SETBP1: variants seen among roughly 807,000 people sequenced by gnomAD.
SETBP1 encodes SET-binding protein.
Under a neutral mutation model 101.0 loss-of-function variants are expected in SETBP1, and 9 were observed. That is an observed-to-expected ratio of 0.09 (90% CI 0.05 to 0.16). SETBP1 has a LOEUF of 0.16. Among genes scored for constraint, SETBP1 ranks in the 10% least tolerant of loss-of-function variants. The pLI is 1.00. For synonymous variants in SETBP1, 818 were observed against 788.5 expected (o/e 1.04, Z -0.63); for missense variants, 1,858 against 2,033.8 (o/e 0.91, Z 1.66).
At chr18:44,732,592 C>T (rs1482725289) in intron 2 of SETBP1, 1 of 152,174 alleles carries the variant, frequency 6.6e-6, no homozygotes, top group African/African-American at 2.4e-5. Context: ...CCTATTTAGC[C>T]CTCAATGCAT....
At chr18:44,797,486 A>G (rs2071504657) in intron 2 of SETBP1, among the ~76,000 whole-genome samples, 2 of 152,216 alleles carry the variant, frequency 1.3e-5, no homozygotes, top group African/African-American at 4.8e-5. Context: ...TCTGTTAACC[A>G]TGATGAAAAG....
At chr18:45,017,306 A>G (rs1599453028) in intron 4 of SETBP1, among the ~76,000 whole-genome samples, 1 of 152,046 alleles carries the variant, frequency 6.6e-6, no homozygotes, top group Non-Finnish European at 1.5e-5. Flanking sequence ...ACAACTCCAG[A>G]CCCCACCCTC....
At chr18:44,811,616 A>G (rs990374571) in intron 2 of SETBP1, among the ~76,000 whole-genome samples, 2 of 152,244 alleles carry the variant, frequency 1.3e-5, no homozygotes, top group Admixed American at 6.5e-5. Flanking sequence ...GAAGATAACA[A>G]CAGAACTAAG....
intron 4 of SETBP1, among the ~76,000 whole-genome samples, chr18:44,973,041 G>A (rs2071903660): frequency 6.6e-6 from 1 of 152,124 alleles, no homozygotes. Flanking sequence ...ATTATTTTGA[G>A]ATCCGTCCCA....
intron 4 of SETBP1, among the ~76,000 whole-genome samples, chr18:44,955,138 T>A (rs2071454380): frequency 6.6e-6 from 1 of 152,236 alleles, no homozygotes; most frequent in South Asian, 2.1e-4. Context: ...GGCCAGGCTG[T>A]GTTGCTGAGT....
At chr18:44,995,571 G>GTGTA (rs1175501781) in intron 4 of SETBP1, among the ~76,000 whole-genome samples, 4 of 149,726 alleles carry the variant, frequency 2.7e-5, no homozygotes, top group Non-Finnish European at 5.9e-5. Flanking sequence ...GTGTGTGTGT[G>GTGTA]TGTATAAAAT....
Position 44,851,376 on chromosome 18 carries a change from G to T in SETBP1, c.487-17854G>T, listed in dbSNP as rs370374334. Among the ~76,000 whole-genome samples the T allele has an allele frequency of 1.9e-4, 29 of 152,270 alleles. No individual in the cohort carries two copies. The East Asian group carries it at 5.2e-3, about 27-fold the overall frequency. On this transcript the variant is annotated intron_variant, in intron 2 of 5. Transcript: ENST00000649279. The stretch of plus-strand genomic sequence containing the variant: ...ACTCAGGCAGAGTTTATAAATAGAG[G>T]ATGAGGTCTGGGCTGAGATCTTGCT...
At chr18:44,912,706 C>G (rs184673227) in intron 3 of SETBP1, among the ~76,000 whole-genome samples, 1 of 152,194 alleles carries the variant, frequency 6.6e-6, no homozygotes, top group African/African-American at 2.4e-5. Flanking sequence ...CGTGAGCCAC[C>G]GTGCCTGGCC....
rs547587831 is a variant in SETBP1 at position 44,881,310 on chromosome 18, T to C, written c.540+12027T>C. ...TCAAACCCATTGCATTTTTGGTTTATTGGCATCTTGTGAACAATGACCTAA... is the reference window on the plus strand; with the variant it reads ...TCAAACCCATTGCATTTTTGGTTTACTGGCATCTTGTGAACAATGACCTAA... On this transcript the variant is annotated intron_variant, in intron 3 of 5. Coordinates refer to ENST00000649279, the MANE Select transcript of SETBP1 (RefSeq NM_015559.3). Among the ~76,000 whole-genome samples, 325 of 152,286 alleles carry C rather than the reference T, an allele frequency of 2.1e-3. 1 individual carries two copies. The highest frequency in any genetic ancestry group is 7.4e-3 in the African/African-American group (306 of 41,572).
intron 3 of SETBP1, among the ~76,000 whole-genome samples, chr18:44,947,882 T>C (rs2071246082): frequency 6.6e-6 from 1 of 152,168 alleles, no homozygotes; most frequent in South Asian, 2.1e-4. Context: ...ACTGATACCC[T>C]AAGGAGCAGA....
At chr18:44,769,684 A>C (rs974480421) in intron 2 of SETBP1, among the ~76,000 whole-genome samples, 3 of 152,244 alleles carry the variant, frequency 2.0e-5, no homozygotes, top group African/African-American at 7.2e-5. Context: ...TCTTATAAGG[A>C]AATCAAATAC....
At position 45,063,485 on chromosome 18, in the gene SETBP1, GCCGCCGCCCCTGCCGCCA is replaced by G; in HGVS notation, c.4587_4604del (p.Leu1530_Pro1535del). 1.8e-5 allele frequency: 18 copies of G among 983,632 alleles called. No individual in the cohort carries two copies. Among genetic ancestry groups the G allele is most frequent in the Non-Finnish European group, 2.0e-5 (16 of 793,944 alleles). 60.9% of individuals were successfully genotyped at this position (983,632 alleles called of 1,614,324 possible). ...AGGCGCCGCCCCTGCCCCCGCCACC[GCCGCCGCCCCTGCCGCCA>G]CCGCCGCCACCACCCCTGCCCCCGC... is the stretch of plus-strand genomic sequence containing the variant. On this transcript the variant is annotated inframe_deletion, in exon 6 of 6. Transcript: ENST00000649279.
intron 2 of SETBP1, among the ~76,000 whole-genome samples, chr18:44,726,957 A>C (rs2069721322): frequency 6.6e-6 from 1 of 152,212 alleles, no homozygotes; most frequent in African/African-American, 2.4e-5. Flanking sequence ...AGTGGTTATC[A>C]GAGGATCCTG....
intron 1 of SETBP1, among the ~76,000 whole-genome samples, chr18:44,700,720 G>T (rs908896773): frequency 6.6e-6 from 1 of 152,082 alleles, no homozygotes; most frequent in African/African-American, 2.4e-5. Flanking sequence ...GCAGCCTGGG[G>T]GTTGTGCTCA....
intron 2 of SETBP1, among the ~76,000 whole-genome samples, chr18:44,702,224 T>C (rs1168555993): frequency 6.6e-5 from 10 of 152,190 alleles, no homozygotes; most frequent in Admixed American, 6.5e-4. Flanking sequence ...ATCGTCTTCA[T>C]GGTGGGTAGG....
At chr18:44,880,551 GAA>G (rs1308257135) in intron 3 of SETBP1, among the ~76,000 whole-genome samples, 2 of 152,202 alleles carry the variant, frequency 1.3e-5, no homozygotes, top group African/African-American at 4.8e-5. Flanking sequence ...TTTATTTAAA[GAA>G]AAGGTTTAGT....
Position 44,950,543 on chromosome 18 carries a change from G to A in SETBP1, c.1203G>A (p.Arg401=). 1.2e-6 allele frequency: 2 copies of A among 1,614,054 alleles called. No homozygotes were observed. The highest frequency in any genetic ancestry group is 1.7e-6 in the Non-Finnish European group (2 of 1,180,032). Residue 401 remains arginine (R), a synonymous_variant, in exon 4 of 6, where the codon CGG becomes CGA. Transcript: ENST00000649279. ...SNPENDSSHV[R]ITIPIKAPSL... is the part of the protein sequence containing the mutation. ...CTGAAAATGACTCAAGTCATGTCCG[G>A]ATTACTATCCCCATCAAGGCACCCT...
intron 2 of SETBP1, among the ~76,000 whole-genome samples, chr18:44,831,061 T>C (rs1441944722): frequency 6.6e-6 from 1 of 152,234 alleles, no homozygotes; most frequent in Non-Finnish European, 1.5e-5. Context: ...TCTTTTCTTT[T>C]CTGTTTTTAT....
chr18:44,793,006 CCTT>C (rs1372417180), intron 2 of SETBP1, among the ~76,000 whole-genome samples: 2 of 152,194 alleles, frequency 1.3e-5, no homozygotes, highest in Non-Finnish European at 2.9e-5. Flanking sequence ...GTTGGATTCT[CCTT>C]CTGGTTACAT....
Sources: allele counts gnomAD v4.1 joint callset (sites outside exome capture counted in the v4.1 genomes callset), GRCh38; gene constraint gnomAD v4.1.1; transcripts MANE v1.5; gene names NCBI Gene and HGNC (gene_info 2026-07-23, HGNC 2026-07-21).